The following SCUBE1 variants were observed in gnomAD, a reference collection of about 807,000 sequenced individuals.
SCUBE1 encodes the protein signal peptide, CUB and EGF-like domain-containing protein 1.
SCUBE1 carries 59 observed loss-of-function variants against 124.4 expected under a neutral mutation model. The ratio of observed to expected loss-of-function variants is 0.47; its 90% CI spans 0.38 to 0.59. The LOEUF (loss-of-function observed/expected upper bound fraction) is 0.59. Ranked by LOEUF, SCUBE1 falls within the 20% of genes least tolerant of loss-of-function variation. The pLI is 0.00. For synonymous variants in SCUBE1, 545 were observed against 550.9 expected (o/e 0.99, Z 0.15); for missense variants, 1,150 against 1,371.2 (o/e 0.84, Z 2.55).
At chr22:43,209,830 C>G (rs1921463762) in intron 19 of SCUBE1, among the ~76,000 whole-genome samples, 1 of 152,228 alleles carries the variant, frequency 6.6e-6, no homozygotes, top group South Asian at 2.1e-4. Flanking sequence ...CTAAGCTCTC[C>G]AGATCTTTCC....
intron 1 of SCUBE1, among the ~76,000 whole-genome samples, chr22:43,341,269 C>A (rs1298612902): frequency 6.6e-6 from 1 of 152,268 alleles, no homozygotes; most frequent in East Asian, 1.9e-4. Flanking sequence ...GATGGCTGGG[C>A]CAGCAGGAAC....
intron 3 of SCUBE1, among the ~76,000 whole-genome samples, chr22:43,307,302 G>A (rs918400328): frequency 2.0e-5 from 3 of 152,220 alleles, no homozygotes; most frequent in Non-Finnish European, 2.9e-5. Flanking sequence ...ACAAGTAGGG[G>A]CCAGCCAAAC....
intron 15 of SCUBE1, among the ~76,000 whole-genome samples, 156 bp downstream of exon 15, chr22:43,218,099 C>T (rs1007286937): frequency 6.6e-6 from 1 of 152,216 alleles, no homozygotes; most frequent in East Asian, 1.9e-4. Context: ...ACAGTGATGA[C>T]CATGAGGGCT....
chr22:43,255,853 T>C lies in SCUBE1; in HGVS notation c.727+2366A>G, dbSNP rs1053450733. ...GGACACAGAGGGGACTCAGGGCCCA[T>C]GGGCAAGCAAACAGAGAAGGAGGCT... On this transcript the variant is annotated intron_variant, in intron 6 of 21. Coordinates refer to ENST00000360835, the MANE Select transcript of SCUBE1 (RefSeq NM_173050.5). This position sits in a 1 kb window ranked among gnomAD's most constrained non-coding sequence, Gnocchi z 4.7. Among the ~76,000 whole-genome samples, 1 of 151,914 alleles carries C rather than the reference T, an allele frequency of 6.6e-6. No homozygotes were observed. Among genetic ancestry groups the C allele is most frequent in the East Asian group, 1.9e-4 (1 of 5,168 alleles).
At chr22:43,266,952 C>A (rs115816263) in intron 4 of SCUBE1, among the ~76,000 whole-genome samples, 1 of 152,188 alleles carries the variant, frequency 6.6e-6, no homozygotes. Flanking sequence ...CGCTCCCCTG[C>A]AGCACAGGAT....
chr22:43,225,183 C>T (rs969544132), intron 10 of SCUBE1, among the ~76,000 whole-genome samples: 3 of 149,882 alleles, frequency 2.0e-5, no homozygotes, highest in Non-Finnish European at 4.4e-5. Context: ...AGCCACTTAT[C>T]GCATCACCCC....
intron 4 of SCUBE1, among the ~76,000 whole-genome samples, chr22:43,276,980 C>T (rs113169401): frequency 1.6e-4 from 25 of 152,280 alleles, no homozygotes; most frequent in Non-Finnish European, 2.6e-4. Flanking sequence ...GGGGGGCCAG[C>T]GGGTCCTTGT....
rs530886655 is a variant in SCUBE1, at chr22:43,210,514, C to T, written c.2384-274G>A. The stretch of plus-strand genomic sequence containing the variant: ...TGGGCTGCCATGCCTGCAGGCCCAC[C>T]CTATTTCTCTGTGGCTGGGCCTTGT... On this transcript the variant is annotated intron_variant, in intron 18 of 21. Coordinates refer to ENST00000360835, the MANE Select transcript of SCUBE1 (RefSeq NM_173050.5). The surrounding 1 kb of genome is among the most constrained non-coding windows in gnomAD (Gnocchi z 4.5). Among the ~76,000 whole-genome samples the T allele has an allele frequency of 6.6e-6, 1 of 152,340 alleles. No homozygotes were observed. Among genetic ancestry groups the T allele is most frequent in the Admixed American group, 6.5e-5 (1 of 15,306 alleles).
In SCUBE1 at chr22:43,200,305, G is replaced by A. The variant is rs563388816; in HGVS notation, c.*3692C>T. Reference sequence around the variant, plus strand: ...CGCTGGGGACCTCATCAGCTGCTCAGGCGACAGTCGAGGAGGGGCTATGCC... The same window carrying A: ...CGCTGGGGACCTCATCAGCTGCTCAAGCGACAGTCGAGGAGGGGCTATGCC... On this transcript the variant is annotated 3_prime_UTR_variant, in exon 22 of 22. Transcript: ENST00000360835. 6.6e-6 allele frequency: 1 copy of A among 152,422 alleles called. No individual in the cohort carries two copies. The highest frequency in any genetic ancestry group is 6.5e-5 in the Admixed American group (1 of 15,312). 9.4% of individuals were successfully genotyped at this position (152,422 alleles called of 1,614,324 possible).
In SCUBE1 at chr22:43,324,862, A is replaced by G. The variant is rs914088908; in HGVS notation, c.221-4797T>C. 6.0e-5 allele frequency among the ~76,000 whole-genome samples: 9 copies of G among 150,832 alleles called. 1 individual carries two copies. The highest frequency in any genetic ancestry group is 2.0e-4 in the East Asian group (1 of 5,116). On this transcript the variant is annotated intron_variant, in intron 2 of 21. Coordinates refer to ENST00000360835, the MANE Select transcript of SCUBE1 (RefSeq NM_173050.5). Reference sequence around the variant, plus strand: ...GATTAAATTGTGTCCCCGCAAAAAGATATGTTGAGGTCCCAACCCCCAGGA... The same window carrying G: ...GATTAAATTGTGTCCCCGCAAAAAGGTATGTTGAGGTCCCAACCCCCAGGA...
intron 3 of SCUBE1, among the ~76,000 whole-genome samples, chr22:43,312,837 G>A (rs968200860): frequency 1.3e-5 from 2 of 152,134 alleles, no homozygotes; most frequent in Admixed American, 6.5e-5. Context: ...AGATACAGGC[G>A]TGCATATCTA....
At position 43,291,026 on chromosome 22, in the gene SCUBE1, T is replaced by C; in HGVS notation, c.484+20A>G. ...CCATCCTGGGGGGGGACATGCCTGGTCAGCATAGGCTGTACTCACCATTGG... is the reference window on the plus strand; with the variant it reads ...CCATCCTGGGGGGGGACATGCCTGGCCAGCATAGGCTGTACTCACCATTGG... On this transcript the variant is annotated intron_variant, in intron 4 of 21. Transcript: ENST00000360835. The C allele has an allele frequency of 1.3e-6, 2 of 1,565,600 alleles. No homozygotes were observed. Among genetic ancestry groups the C allele is most frequent in the Non-Finnish European group, 1.7e-6 (2 of 1,146,116 alleles).
intron 6 of SCUBE1, among the ~76,000 whole-genome samples, chr22:43,256,754 C>T (rs1013274322): frequency 2.0e-5 from 3 of 152,206 alleles, no homozygotes; most frequent in Non-Finnish European, 4.4e-5. Context: ...GCAAACCCTG[C>T]GGAAGACCTT....
intron 4 of SCUBE1, 42 bp downstream of exon 4, chr22:43,291,004 T>A (rs1569015792): frequency 3.9e-6 from 6 of 1,531,528 alleles, no homozygotes; most frequent in Non-Finnish European, 5.3e-6. Flanking sequence ...GGGCTGCCCA[T>A]CCTGGGGGGG....
chr22:43,255,248 T>G lies in SCUBE1; in HGVS notation c.727+2971A>C, dbSNP rs1303240015. Among the ~76,000 whole-genome samples, 2 of 151,968 alleles carry G rather than the reference T, an allele frequency of 1.3e-5. No homozygotes were observed. Among genetic ancestry groups the G allele is most frequent in the Non-Finnish European group, 1.5e-5 (1 of 68,000 alleles). On this transcript the variant is annotated intron_variant, in intron 6 of 21. Transcript: ENST00000360835. The surrounding 1 kb of genome is among the most constrained non-coding windows in gnomAD (Gnocchi z 4.7). ...AATGTGTTTGATGGAGGGTAAAAAC[T>G]TTAAAAAGGAAAAAGTGAGTTCACA...
At chr22:43,262,620 G>T in intron 5 of SCUBE1, 100 bp downstream of exon 5, 1 of 1,443,346 alleles carries the variant, frequency 6.9e-7, no homozygotes, top group South Asian at 1.2e-5. Context: ...TGGGGCTGGG[G>T]ACCCTCCCTG....
At chr22:43,282,423 G>T (rs1235034638) in intron 4 of SCUBE1, 1 of 152,282 alleles carries the variant, frequency 6.6e-6, no homozygotes, top group Non-Finnish European at 1.5e-5. Context: ...AGGGTTTCTG[G>T]CTCCCTGTCT....
At chr22:43,241,301 C>T (rs767064115) in intron 6 of SCUBE1, among the ~76,000 whole-genome samples, 3 of 152,146 alleles carry the variant, frequency 2.0e-5, no homozygotes, top group Non-Finnish European at 4.4e-5. Context: ...GCAGGGGTCA[C>T]GTGGTCACCA....
rs996983217 is a variant in SCUBE1 at position 43,255,348 on chromosome 22, T to C, written c.727+2871A>G. The stretch of plus-strand genomic sequence containing the variant: ...GTGGGCACACCCCACAACACAGACA[T>C]ATGCCCCCACACGCACACGTCACAC... On this transcript the variant is annotated intron_variant, in intron 6 of 21. Coordinates refer to ENST00000360835, the MANE Select transcript of SCUBE1 (RefSeq NM_173050.5). This position sits in a 1 kb window ranked among gnomAD's most constrained non-coding sequence, Gnocchi z 4.7. 5.3e-6 allele frequency: 4 copies of C among 749,882 alleles called. No individual in the cohort carries two copies. Among genetic ancestry groups the C allele is most frequent in the Admixed American group, 2.1e-5 (1 of 47,438 alleles). 46.5% of individuals were successfully genotyped at this position (749,882 alleles called of 1,614,324 possible). A position where few individuals can be genotyped will look rare whatever the true frequency, so the allele number is the denominator to read the frequency against.
Sources: gnomAD v4.1 joint callset for allele counts (sites outside exome capture counted in the v4.1 genomes callset) on GRCh38, gnomAD v4.1.1 for gene constraint, Gnocchi (gnomAD v3.1) non-coding constraint, MANE v1.5 for transcripts, NCBI Gene and HGNC (gene_info 2026-07-23, HGNC 2026-07-21) for gene names.